Variants in EXT1 observed in about 807,000 individuals in gnomAD.
EXT1 encodes the protein exostosin-1.
Under a neutral mutation model 82.5 loss-of-function variants are expected in EXT1, and 20 were observed. The ratio of observed to expected loss-of-function variants is 0.24; its 90% confidence interval spans 0.17 to 0.35. The LOEUF is 0.35. EXT1 is among the 10% of genes least tolerant of loss of function. The probability of loss-of-function intolerance (pLI) is 1.00; values close to 1 mark genes in which losing one functional copy is unlikely to be tolerated. For missense variants in EXT1, 757 were observed against 936.5 expected (o/e 0.81, Z 2.50); for synonymous variants, 348 against 350.8 (o/e 0.99, Z 0.09).
intron 1 of EXT1, among the ~76,000 whole-genome samples, chr8:117,925,705 CAAAAAA>C (rs3049788): frequency 1.0e-5 from 1 of 98,632 alleles, no homozygotes. Context: ...CCTGTCTCTA[CAAAAAA>C]AAAAAAAAAA....
At chr8:117,951,360 G>C (rs977051782) in intron 1 of EXT1, among the ~76,000 whole-genome samples, 1 of 152,174 alleles carries the variant, frequency 6.6e-6, no homozygotes, top group African/African-American at 2.4e-5. Flanking sequence ...CAGCAAATGG[G>C]ATAATGGCAT....
intron 7 of EXT1, among the ~76,000 whole-genome samples, chr8:117,818,098 G>A (rs902532432): frequency 1.3e-5 from 2 of 152,162 alleles, no homozygotes; most frequent in Non-Finnish European, 2.9e-5. Flanking sequence ...TTTACAGAAA[G>A]ATAACTATTG....
At chr8:117,982,788 G>A (rs1002507522) in intron 1 of EXT1, among the ~76,000 whole-genome samples, 10 of 152,090 alleles carry the variant, frequency 6.6e-5, no homozygotes, top group African/African-American at 2.4e-4. Flanking sequence ...CACCATGCCT[G>A]GCTAGGGCTT....
intron 1 of EXT1, among the ~76,000 whole-genome samples, chr8:118,011,232 T>C (rs1815893179): frequency 6.6e-6 from 1 of 152,188 alleles, no homozygotes; most frequent in East Asian, 1.9e-4. Flanking sequence ...CTCCCTCTGC[T>C]GCTTTGTCTG....
intron 1 of EXT1, among the ~76,000 whole-genome samples, chr8:118,073,625 GAAGAGAAAGAAGAGA>G (rs1817138978): frequency 7.2e-6 from 1 of 139,016 alleles, no homozygotes; most frequent in Admixed American, 7.3e-5. Context: ...GAAGAGAAGA[GAAGAGAAAGAAGAGA>G]AGAGAAGAGA....
intron 1 of EXT1, among the ~76,000 whole-genome samples, chr8:117,914,818 G>T (rs142234063): frequency 1.3e-5 from 2 of 152,148 alleles, no homozygotes; most frequent in African/African-American, 2.4e-5. Flanking sequence ...TACGTGCACC[G>T]CTGAACATAG....
intron 1 of EXT1, among the ~76,000 whole-genome samples, chr8:117,848,495 T>G (rs965356757): frequency 6.6e-6 from 1 of 152,102 alleles, no homozygotes; most frequent in African/African-American, 2.4e-5. Flanking sequence ...AAAGAGGCTG[T>G]GGGACAGAAA....
chr8:117,958,273 G>A (rs1260544940), intron 1 of EXT1, among the ~76,000 whole-genome samples: 1 of 152,140 alleles, frequency 6.6e-6, no homozygotes, highest in Admixed American at 6.5e-5. Context: ...AGATGTTGAA[G>A]GTTCACAGGA....
chr8:118,039,509 G>A (rs747573378), intron 1 of EXT1, among the ~76,000 whole-genome samples: 17 of 138,242 alleles, frequency 1.2e-4, no homozygotes, highest in Non-Finnish European at 2.1e-4. Context: ...GCAGTGAGCC[G>A]AGATGGCGCC....
At chr8:117,806,485 A>ACAT (rs1586989908) in intron 9 of EXT1, among the ~76,000 whole-genome samples, 1 of 152,304 alleles carries the variant, frequency 6.6e-6, no homozygotes, top group East Asian at 1.9e-4. Flanking sequence ...CTCATGATGG[A>ACAT]CATCAAGGTC....
intron 1 of EXT1, among the ~76,000 whole-genome samples, chr8:117,883,794 TTA>T (rs2129926011): frequency 6.6e-6 from 1 of 152,344 alleles, no homozygotes; most frequent in South Asian, 2.1e-4. Flanking sequence ...CAGCTGGAGC[TTA>T]GACCAGGCAG....
intron 1 of EXT1, among the ~76,000 whole-genome samples, chr8:117,966,219 G>A (rs749245081): frequency 6.6e-6 from 1 of 152,172 alleles, no homozygotes; most frequent in East Asian, 1.9e-4. Flanking sequence ...CCCCAAGGCA[G>A]CATCCCATTC....
At chr8:117,926,962 T>C (rs1409969247) in intron 1 of EXT1, among the ~76,000 whole-genome samples, 1 of 152,052 alleles carries the variant, frequency 6.6e-6, no homozygotes, top group Non-Finnish European at 1.5e-5. Flanking sequence ...ATCTCAGAGG[T>C]TTCACCAACA....
intron 1 of EXT1, among the ~76,000 whole-genome samples, chr8:117,984,098 G>A (rs1432300719): frequency 6.6e-6 from 1 of 152,190 alleles, no homozygotes; most frequent in Non-Finnish European, 1.5e-5. Flanking sequence ...AAAGACAAAT[G>A]ACAACCCAGT....
rs552512022 is a variant in EXT1 at position 118,044,846 on chromosome 8, G to A, written c.962+65239C>T. 7.0e-4 allele frequency among the ~76,000 whole-genome samples: 107 copies of A among 152,324 alleles called. 3 individuals are homozygous for A. The highest frequency in any genetic ancestry group is 6.8e-3 in the Middle Eastern group (2 of 294). ...CCCACCGCATGCTTTTGTAAACAAAGTTTTATTGGAACATAGCTCATTTGT... is the reference window on the plus strand; with the variant it reads ...CCCACCGCATGCTTTTGTAAACAAAATTTTATTGGAACATAGCTCATTTGT... On this transcript the variant is annotated intron_variant, in intron 1 of 10. Coordinates refer to ENST00000378204, the MANE Select transcript of EXT1 (RefSeq NM_000127.3).
chr8:118,004,318 C>A (rs1450773626), intron 1 of EXT1, among the ~76,000 whole-genome samples: 1 of 152,202 alleles, frequency 6.6e-6, no homozygotes, highest in African/African-American at 2.4e-5. Context: ...TATGCACGTG[C>A]ATGTGGGTAT....
intron 7 of EXT1, 72 bp downstream of exon 7, chr8:117,818,363 A>C: frequency 8.2e-7 from 1 of 1,221,440 alleles, no homozygotes; most frequent in Non-Finnish European, 1.2e-6. Context: ...TCTAGGGCCA[A>C]GACCCAAAGT....
At chr8:117,956,749 A>T (rs927303301) in intron 1 of EXT1, among the ~76,000 whole-genome samples, 2 of 152,192 alleles carry the variant, frequency 1.3e-5, no homozygotes, top group African/African-American at 4.8e-5. Flanking sequence ...ATCCAGCCTT[A>T]AAATTATAAA....
intron 1 of EXT1, among the ~76,000 whole-genome samples, chr8:118,062,715 A>C (rs1486730238): frequency 6.6e-6 from 1 of 152,202 alleles, no homozygotes; most frequent in African/African-American, 2.4e-5. Flanking sequence ...CAGCAGGAAA[A>C]GGGACGGTCC....
Sources: allele counts gnomAD v4.1 joint callset (sites outside exome capture counted in the v4.1 genomes callset), GRCh38; gene constraint gnomAD v4.1.1; transcripts MANE v1.5; gene names NCBI Gene and HGNC (gene_info 2026-07-23, HGNC 2026-07-21).